The following ZNF536 variants were observed in gnomAD, a reference collection of about 807,000 sequenced individuals.
The protein encoded by ZNF536 is zinc finger protein 536.
A neutral mutation model predicts 84.5 loss-of-function variants in ZNF536; 13 were observed. The ratio of observed to expected loss-of-function variants is 0.15; its 90% CI spans 0.10 to 0.24. The LOEUF is 0.24. Among genes scored for constraint, ZNF536 ranks in the 10% least tolerant of loss-of-function variants. ZNF536 has a pLI of 1.00. For synonymous variants in ZNF536, 811 were observed against 742.5 expected, an observed-to-expected ratio of 1.09 and a Z score of -1.50; for missense variants, 1,536 against 1,747.5, an observed-to-expected ratio of 0.88 and a Z score of 2.16.
chr19:30,574,294 G>T (rs963939680), intron 1 of ZNF536, among the ~76,000 whole-genome samples: 1 of 152,210 alleles, frequency 6.6e-6, no homozygotes, highest in Non-Finnish European at 1.5e-5. Flanking sequence ...GAGAACCAGG[G>T]TAAGCATGAA....
intron 2 of ZNF536, among the ~76,000 whole-genome samples, chr19:30,497,198 G>A (rs966163623): frequency 3.3e-5 from 5 of 152,144 alleles, no homozygotes; most frequent in African/African-American, 7.2e-5. Context: ...CCCCGTGAGC[G>A]GCTTGAGTCA....
chr19:30,480,542 C>T (rs979490561), intron 2 of ZNF536, among the ~76,000 whole-genome samples: 3 of 151,828 alleles, frequency 2.0e-5, no homozygotes, highest in Non-Finnish European at 4.4e-5. Flanking sequence ...ACACCGGGGC[C>T]TGTCGTGGGG....
At chr19:30,236,082 G>A (rs1016332906) in intron 1 of ZNF536, among the ~76,000 whole-genome samples, 2 of 152,246 alleles carry the variant, frequency 1.3e-5, no homozygotes, top group Non-Finnish European at 2.9e-5. Context: ...TTCAAAAGGT[G>A]GAAAAGTGGT....
intron 1 of ZNF536, among the ~76,000 whole-genome samples, chr19:30,660,104 TG>T (rs1352988359): frequency 6.6e-6 from 1 of 152,222 alleles, no homozygotes; most frequent in Non-Finnish European, 1.5e-5. Context: ...AGTGACAGGC[TG>T]GTCACTTTGC....
chr19:30,570,604 G>T (rs2046510496), intron 1 of ZNF536, among the ~76,000 whole-genome samples: 1 of 152,182 alleles, frequency 6.6e-6, no homozygotes, highest in African/African-American at 2.4e-5. Context: ...TTCCTAAGCA[G>T]ATTTCAGCGC....
chr19:30,527,518 C>G (rs2044637468), intron 2 of ZNF536, among the ~76,000 whole-genome samples: 1 of 151,916 alleles, frequency 6.6e-6, no homozygotes, highest in African/African-American at 2.4e-5. Context: ...TAAACAAATA[C>G]TTTCACCAAT....
intron 1 of ZNF536, among the ~76,000 whole-genome samples, chr19:30,629,904 A>G (rs2147226605): frequency 6.6e-6 from 1 of 152,322 alleles, no homozygotes; most frequent in African/African-American, 2.4e-5. Flanking sequence ...CTCAGCCAGA[A>G]CCAGGTGATC....
intron 1 of ZNF536, among the ~76,000 whole-genome samples, chr19:30,614,268 G>T (rs1336726114): frequency 6.6e-6 from 1 of 152,040 alleles, no homozygotes; most frequent in Non-Finnish European, 1.5e-5. Context: ...TGCTTTTAAT[G>T]GCAAAATTAA....
intron 1 of ZNF536, among the ~76,000 whole-genome samples, chr19:30,615,900 G>T (rs1051879536): frequency 6.6e-6 from 1 of 151,624 alleles, no homozygotes; most frequent in African/African-American, 2.4e-5. Flanking sequence ...CTCTCTCTCT[G>T]CCTCTCTATC....
At chr19:30,399,043 A>T (rs1160584495) in intron 1 of ZNF536, among the ~76,000 whole-genome samples, 1 of 152,200 alleles carries the variant, frequency 6.6e-6, no homozygotes, top group South Asian at 2.1e-4. Flanking sequence ...ACAGTGTAAA[A>T]GCATTCCTAT....
At chr19:30,603,817 C>T (rs1379904434) in intron 1 of ZNF536, among the ~76,000 whole-genome samples, 10 of 152,102 alleles carry the variant, frequency 6.6e-5, no homozygotes, top group Non-Finnish European at 1.3e-4. Flanking sequence ...AGGCCAGGCA[C>T]GGTGGCTCAT....
chr19:30,698,174 C>T (rs1012831602), intron 1 of ZNF536, among the ~76,000 whole-genome samples: 1 of 152,082 alleles, frequency 6.6e-6, no homozygotes, highest in African/African-American at 2.4e-5. Context: ...CGCCTGTAGT[C>T]CCAGCTACGC....
At chr19:30,260,819 C>T (rs1738712890) in intron 1 of ZNF536, among the ~76,000 whole-genome samples, 1 of 152,160 alleles carries the variant, frequency 6.6e-6, no homozygotes, top group South Asian at 2.1e-4. Context: ...CCTTCATACC[C>T]CCAAGCCCAG....
rs559607565 is a variant in ZNF536, at chr19:30,233,189, T to A, written c.-190+4516T>A. Among the ~76,000 whole-genome samples, 35 of 152,114 alleles carry A rather than the reference T, an allele frequency of 2.3e-4. No individual in the cohort carries two copies. In the South Asian group the frequency reaches 6.9e-3, roughly 30 times the overall value. On this transcript the variant is annotated intron_variant, in intron 1 of 5. Transcript: ENST00000585628. Reference sequence around the variant, plus strand: ...CCAGCTCTGACTGCTTAGAGGTCAATTGCACATGGAGGTGGTGTCGGGGGT... The same window carrying A: ...CCAGCTCTGACTGCTTAGAGGTCAAATGCACATGGAGGTGGTGTCGGGGGT...
chr19:30,501,437 T>G (rs2054946287), intron 2 of ZNF536, among the ~76,000 whole-genome samples: 1 of 152,224 alleles, frequency 6.6e-6, no homozygotes, highest in South Asian at 2.1e-4. Context: ...TGTTGGCTGT[T>G]AAGTCCCTAT....
At chr19:30,342,812 A>G (rs982105112) in intron 2 of ZNF536, among the ~76,000 whole-genome samples, 4 of 152,258 alleles carry the variant, frequency 2.6e-5, no homozygotes, top group African/African-American at 7.2e-5. Flanking sequence ...CTAATGTGCA[A>G]TAAAGTTGCC....
intron 1 of ZNF536, among the ~76,000 whole-genome samples, chr19:30,379,348 G>A (rs775337570): frequency 9.9e-5 from 15 of 152,098 alleles, no homozygotes; most frequent in Non-Finnish European, 2.1e-4. Flanking sequence ...CATGATGACA[G>A]TGATGTGGTC....
chr19:30,479,084 T>C (rs2053967618), intron 2 of ZNF536, among the ~76,000 whole-genome samples: 1 of 152,178 alleles, frequency 6.6e-6, no homozygotes, highest in Non-Finnish European at 1.5e-5. Context: ...GTGTATCCCA[T>C]ATCAGTTAGG....
At chr19:30,583,902 A>G (rs2047007558) in intron 1 of ZNF536, among the ~76,000 whole-genome samples, 2 of 152,196 alleles carry the variant, frequency 1.3e-5, no homozygotes, top group Admixed American at 6.5e-5. Context: ...GTGGTCAGAA[A>G]GGGTTAATAG....
Sources: allele counts gnomAD v4.1 joint callset (sites outside exome capture counted in the v4.1 genomes callset), GRCh38; gene constraint gnomAD v4.1.1; transcripts MANE v1.5; gene names NCBI Gene and HGNC (gene_info 2026-07-23, HGNC 2026-07-21).